CDH4: variants seen among roughly 807,000 people sequenced by gnomAD.
CDH4 encodes the protein cadherin-4.
CDH4 carries 33 observed loss-of-function variants against 86.0 expected under a neutral mutation model. The observed-to-expected ratio is 0.38, with a 90% CI of 0.29 to 0.51. CDH4 has a LOEUF of 0.51. Ranked by LOEUF, CDH4 falls within the 20% of genes least tolerant of loss-of-function variation. The probability of loss-of-function intolerance (pLI) is 0.86; values close to 1 mark genes in which losing one functional copy is unlikely to be tolerated. For missense variants in CDH4, 1,114 were observed against 1,307.4 expected (o/e 0.85, Z 2.28); for synonymous variants, 555 against 549.4 (o/e 1.01, Z -0.14).
intron 2 of CDH4, among the ~76,000 whole-genome samples, chr20:61,656,075 G>A (rs577392782): frequency 5.9e-5 from 9 of 152,330 alleles, no homozygotes; most frequent in African/African-American, 2.2e-4. Context: ...CCCTGCTTTG[G>A]TGGAAAGTGT....
At chr20:61,307,008 A>G (rs754906835) in intron 2 of CDH4, among the ~76,000 whole-genome samples, 12 of 152,186 alleles carry the variant, frequency 7.9e-5, no homozygotes, top group African/African-American at 1.4e-4. Context: ...TTGCCATACA[A>G]AAGAATTTGA....
At chr20:61,274,032 C>T (rs2084206948) in intron 2 of CDH4, among the ~76,000 whole-genome samples, 1 of 125,032 alleles carries the variant, frequency 8.0e-6, no homozygotes, top group African/African-American at 3.2e-5. Context: ...GTACCGTGTG[C>T]AGTTTGGGGG....
intron 2 of CDH4, among the ~76,000 whole-genome samples, chr20:61,600,531 A>G (rs1279698154): frequency 2.0e-5 from 3 of 152,204 alleles, no homozygotes; most frequent in African/African-American, 7.2e-5. Context: ...AATCTAATTC[A>G]GAAATGAATG....
intron 2 of CDH4, among the ~76,000 whole-genome samples, chr20:61,365,331 C>G (rs987339509): frequency 2.6e-5 from 4 of 152,144 alleles, no homozygotes; most frequent in Non-Finnish European, 4.4e-5. Flanking sequence ...CTTGGCTTCT[C>G]TTTGTGTTTG....
intron 2 of CDH4, among the ~76,000 whole-genome samples, chr20:61,647,083 G>T (rs957173785): frequency 2.6e-5 from 4 of 152,178 alleles, no homozygotes; most frequent in African/African-American, 9.6e-5. Flanking sequence ...GGGAGAGAGG[G>T]TGACACCCAC....
At position 61,384,705 on chromosome 20, in the gene CDH4, T is replaced by C. The variant is rs117985388; in HGVS notation, c.169+129768T>C. Among the ~76,000 whole-genome samples the C allele has an allele frequency of 6.7e-3, 1,026 of 152,334 alleles. 1 individual carries two copies. The highest frequency in any genetic ancestry group is 0.012 in the Non-Finnish European group (800 of 68,022). ...TCAGCTCAGCTACTAATCCTACCCA[T>C]TAAGTTTTAAATTATAAATTCTCTA... On this transcript the variant is annotated intron_variant, in intron 2 of 15. Coordinates refer to ENST00000614565, the MANE Select transcript of CDH4 (RefSeq NM_001794.5).
chr20:61,564,464 G>A (rs1314289937), intron 2 of CDH4, among the ~76,000 whole-genome samples: 1 of 152,098 alleles, frequency 6.6e-6, no homozygotes, highest in African/African-American at 2.4e-5. Context: ...TTCTCGCTCT[G>A]AGCTCACGGG....
rs995240894 is a variant in CDH4, at chr20:61,252,498, G to A, written c.-16G>A. 92 of 1,165,548 alleles carry A rather than the reference G, an allele frequency of 7.9e-5. No homozygotes were observed. The highest frequency in any genetic ancestry group is 2.8e-4 in the Admixed American group (6 of 21,216). 72.2% of individuals were successfully genotyped at this position (1,165,548 alleles called of 1,614,324 possible). On this transcript the variant is annotated 5_prime_UTR_variant, in exon 1 of 16. Transcript: ENST00000614565. The surrounding 1 kb of genome is among the most constrained non-coding windows in gnomAD (Gnocchi z 4.4). ...GCGGGCTCCCGGTGCCGGGCACCGG[G>A]CGGGCGGCGGGGAAGATGACCGCGG...
At chr20:61,872,059 C>T (rs1246707148) in intron 6 of CDH4, among the ~76,000 whole-genome samples, 3 of 152,178 alleles carry the variant, frequency 2.0e-5, no homozygotes, top group African/African-American at 7.2e-5. Context: ...GGAAGGCTCC[C>T]TGCCTGCTCT....
At chr20:61,788,588 G>T (rs916315684) in intron 4 of CDH4, among the ~76,000 whole-genome samples, 1 of 152,206 alleles carries the variant, frequency 6.6e-6, no homozygotes, top group Non-Finnish European at 1.5e-5. Flanking sequence ...AGCCCTCCTG[G>T]GCTCCCAGCC....
intron 2 of CDH4, among the ~76,000 whole-genome samples, chr20:61,498,820 A>G (rs1160528848): frequency 6.6e-6 from 1 of 152,344 alleles, no homozygotes; most frequent in African/African-American, 2.4e-5. Context: ...GTTGGGTCAC[A>G]TTCGAAGCCG....
At position 61,938,319 on chromosome 20, in the gene CDH4, G is replaced by C. The variant is rs756686155; in HGVS notation, c.*1376G>C. ...AGGACAGTGAGAGGGTCTGTGTCCCGGCACCCCTGGGACAGCGCTCGGCTG... is the reference window on the plus strand; with the variant it reads ...AGGACAGTGAGAGGGTCTGTGTCCCCGCACCCCTGGGACAGCGCTCGGCTG... On this transcript the variant is annotated 3_prime_UTR_variant, in exon 16 of 16. Coordinates refer to ENST00000614565, the MANE Select transcript of CDH4 (RefSeq NM_001794.5). 5 of 152,308 alleles carry C rather than the reference G, an allele frequency of 3.3e-5. No individual in the cohort carries two copies. The highest frequency in any genetic ancestry group is 3.9e-4 in the East Asian group (2 of 5,194). The allele number at this position is 152,308 out of a possible 1,614,324, so 9.4% of individuals were successfully genotyped here. A position where few individuals can be genotyped will look rare whatever the true frequency, so the allele number is the denominator to read the frequency against.
chr20:61,347,690 C>T lies in CDH4; in HGVS notation c.169+92753C>T, dbSNP rs536469800. Among the ~76,000 whole-genome samples the T allele has an allele frequency of 1.1e-4, 17 of 152,300 alleles. No individual in the cohort carries two copies. The East Asian group carries it at 2.3e-3, about 21-fold the overall frequency. The stretch of plus-strand genomic sequence containing the variant: ...TTAGTCGGGAGATGTATATGCTTAT[C>T]AGGCAAAATAAGCTGGCGGGGGCTG... On this transcript the variant is annotated intron_variant, in intron 2 of 15. Coordinates refer to ENST00000614565, the MANE Select transcript of CDH4 (RefSeq NM_001794.5).
chr20:61,742,850 C>T lies in CDH4; in HGVS notation c.170-713C>T, dbSNP rs575493463. 2.5e-3 allele frequency among the ~76,000 whole-genome samples: 384 copies of T among 152,224 alleles called. 2 individuals carry two copies. Among genetic ancestry groups the T allele is most frequent in the African/African-American group, 8.8e-3 (364 of 41,524 alleles). On this transcript the variant is annotated intron_variant, in intron 2 of 15. Transcript: ENST00000614565. Reference sequence around the variant, plus strand: ...TGCCTACTGGTTAATGTTTTGGAAGCGAAGCAATGCTCAGCACCCAGCGGT... The same window carrying T: ...TGCCTACTGGTTAATGTTTTGGAAGTGAAGCAATGCTCAGCACCCAGCGGT...
At chr20:61,928,467 G>A (rs773773110) in intron 12 of CDH4, 44 bp downstream of exon 12, 22 of 1,559,320 alleles carry the variant, frequency 1.4e-5, no homozygotes, top group Admixed American at 1.7e-5. Flanking sequence ...CTAGCCTGGG[G>A]TGCAGGCCCC....
chr20:61,620,514 G>GGA, intron 2 of CDH4, among the ~76,000 whole-genome samples: 1 of 149,250 alleles, frequency 6.7e-6, no homozygotes, highest in Admixed American at 6.6e-5. Flanking sequence ...TGATAGATTC[G>GGA]TACATACATA....
At chr20:61,781,706 A>C (rs1319668731) in intron 4 of CDH4, among the ~76,000 whole-genome samples, 1 of 152,230 alleles carries the variant, frequency 6.6e-6, no homozygotes, top group Non-Finnish European at 1.5e-5. Flanking sequence ...ATCCTCAAAG[A>C]AATAATGATT....
chr20:61,376,127 G>A (rs1295725219), intron 2 of CDH4, among the ~76,000 whole-genome samples: 2 of 101,658 alleles, frequency 2.0e-5, no homozygotes, highest in Non-Finnish European at 2.1e-5. Flanking sequence ...TGGTGGTGAT[G>A]AAGGTGGTAC....
chr20:61,440,852 A>G (rs2085311593), intron 2 of CDH4, among the ~76,000 whole-genome samples: 1 of 152,192 alleles, frequency 6.6e-6, no homozygotes, highest in South Asian at 2.1e-4. Flanking sequence ...CAATCACATC[A>G]GGTGTCTAAA....
Sources: gnomAD v4.1 joint callset for allele counts (sites outside exome capture counted in the v4.1 genomes callset) on GRCh38, gnomAD v4.1.1 for gene constraint, Gnocchi (gnomAD v3.1) non-coding constraint, MANE v1.5 for transcripts, NCBI Gene and HGNC (gene_info 2026-07-23, HGNC 2026-07-21) for gene names.